ZFHX4: variants seen among roughly 807,000 people sequenced by gnomAD.
The protein encoded by ZFHX4 is zinc finger homeobox protein 4.
Under a neutral mutation model 267.6 loss-of-function variants are expected in ZFHX4, and 56 were observed. The ratio of observed to expected loss-of-function variants is 0.21; its 90% CI spans 0.17 to 0.26. The LOEUF (loss-of-function observed/expected upper bound fraction) is 0.26, where lower values mean the gene tolerates loss of function less well. Among genes scored for constraint, ZFHX4 ranks in the 10% least tolerant of loss-of-function variants. The pLI, the probability that ZFHX4 is intolerant of heterozygous loss-of-function variation, is 1.00. For synonymous variants in ZFHX4, 1,778 were observed against 1,665.6 expected (o/e 1.07, Z -1.64); for missense variants, 4,332 against 4,420.0 (o/e 0.98, Z 0.56).
intron 10 of ZFHX4, among the ~76,000 whole-genome samples, chr8:76,857,442 A>T (rs1263303958): frequency 6.6e-6 from 1 of 151,372 alleles, no homozygotes; most frequent in East Asian, 1.9e-4. Context: ...TTTTACATGA[A>T]TTTCAAACTT....
intron 5 of ZFHX4, among the ~76,000 whole-genome samples, chr8:76,836,949 G>A (rs1186172986): frequency 6.6e-6 from 1 of 152,076 alleles, no homozygotes; most frequent in Non-Finnish European, 1.5e-5. Context: ...GGAAAGAGAA[G>A]ACTAAGGGAT....
chr8:76,864,560 G>T lies in ZFHX4; in HGVS notation c.10846G>T (p.Val3616Leu), dbSNP rs1363833845. The T allele has an allele frequency of 6.4e-7, 1 of 1,553,614 alleles. No individual in the cohort carries two copies. Reference sequence around the variant, plus strand: ...TAGCATCCGAATGGATATGTTCAGTGTGTAGGAGTGAAGACAGGATCCCGT... The same window carrying T: ...TAGCATCCGAATGGATATGTTCAGTTTGTAGGAGTGAAGACAGGATCCCGT... ...FNSIRMDMFSV is the reference protein window; with the variant it reads ...FNSIRMDMFSL The change falls in exon 11 of 11, where the codon GTG becomes TTG. Residue 3616 changes from valine to leucine, a missense_variant. By Grantham distance (32) the Val-to-Leu change is conservative. Coordinates refer to ENST00000651372, the MANE Select transcript of ZFHX4 (RefSeq NM_024721.5).
intron 3 of ZFHX4, among the ~76,000 whole-genome samples, chr8:76,753,207 T>A (rs1430393426): frequency 6.6e-6 from 1 of 152,168 alleles, no homozygotes; most frequent in African/African-American, 2.4e-5. Flanking sequence ...CCTTTATTGT[T>A]TATCTTGGAC....
intron 4 of ZFHX4, among the ~76,000 whole-genome samples, chr8:76,821,235 TA>T (rs1719082489): frequency 6.6e-6 from 1 of 152,174 alleles, no homozygotes; most frequent in South Asian, 2.1e-4. Context: ...TCCCTACTTA[TA>T]AAACCCTCCC....
At chr8:76,732,935 A>G (rs749954113) in intron 3 of ZFHX4, among the ~76,000 whole-genome samples, 2 of 152,174 alleles carry the variant, frequency 1.3e-5, no homozygotes, top group Non-Finnish European at 2.9e-5. Context: ...CTAAAGAAGC[A>G]CATTTTAGTT....
chr8:76,812,627 A>G (rs182160145), intron 4 of ZFHX4, among the ~76,000 whole-genome samples: 77 of 152,322 alleles, frequency 5.1e-4, no homozygotes, highest in African/African-American at 1.7e-3. Flanking sequence ...ATGTTAACTA[A>G]AAGTCATAAT....
intron 4 of ZFHX4, among the ~76,000 whole-genome samples, chr8:76,818,390 A>C (rs759757009): frequency 3.9e-5 from 6 of 152,226 alleles, no homozygotes; most frequent in African/African-American, 7.2e-5. Flanking sequence ...AAAGCAATAA[A>C]AATTAACTAG....
chr8:76,707,746 C>T lies in ZFHX4; in HGVS notation c.2791C>T (p.Pro931Ser), dbSNP rs1481047045. ...GCATGTGAGCAGTGAGCGCTCTCTCCCTGAAGAGGAATGGAGGGCAGTAAT... is the reference window on the plus strand; with the variant it reads ...GCATGTGAGCAGTGAGCGCTCTCTCTCTGAAGAGGAATGGAGGGCAGTAAT... ...SVHVSSERSL[P>S]EEEWRAVIGD... is the part of the protein sequence containing the mutation. The change falls in exon 3 of 11, where the codon CCT becomes TCT. Residue 931 changes from proline (P) to serine (S), a missense_variant. By Grantham distance (74) the Pro-to-Ser change is moderately conservative. This residue lies in a region of ZFHX4 where 1,195 missense variants were observed against 1,173.6 expected (regional missense o/e 1.02). Coordinates refer to ENST00000651372, the MANE Select transcript of ZFHX4 (RefSeq NM_024721.5). 1 of 1,613,748 alleles carries T rather than the reference C, an allele frequency of 6.2e-7. No homozygotes were observed. The highest frequency in any genetic ancestry group is 1.1e-5 in the South Asian group (1 of 91,050).
In ZFHX4 at chr8:76,864,903, T is replaced by G. The variant is rs1812989506; in HGVS notation, c.*338T>G. 1 of 171,418 alleles carries G rather than the reference T, an allele frequency of 5.8e-6. No individual in the cohort carries two copies. Among genetic ancestry groups the G allele is most frequent in the Non-Finnish European group, 1.2e-5 (1 of 80,280 alleles). 10.6% of individuals were successfully genotyped at this position (171,418 alleles called of 1,614,324 possible). A position where few individuals can be genotyped will look rare whatever the true frequency, so the allele number is the denominator to read the frequency against. ...TTGATTTCCAAATGCTAGCATGTAC[T>G]GTATGGGAGGATGATCCAGATGTTT... On this transcript the variant is annotated 3_prime_UTR_variant, in exon 11 of 11. Coordinates refer to ENST00000651372, the MANE Select transcript of ZFHX4 (RefSeq NM_024721.5).
chr8:76,773,281 T>G (rs950785328), intron 3 of ZFHX4, among the ~76,000 whole-genome samples: 3 of 152,180 alleles, frequency 2.0e-5, no homozygotes, highest in Non-Finnish European at 4.4e-5. Context: ...TAGTCAGATA[T>G]ATTCATAATA....
chr8:76,773,185 A>G (rs59625864), intron 3 of ZFHX4, among the ~76,000 whole-genome samples: 1,598 of 152,250 alleles, frequency 0.01, 29 homozygotes, highest in African/African-American at 0.035. Flanking sequence ...CTCAAACTCC[A>G]TATGACTATT....
chr8:76,840,292 C>G (rs1021007522), intron 5 of ZFHX4, among the ~76,000 whole-genome samples: 4 of 152,182 alleles, frequency 2.6e-5, no homozygotes, highest in African/African-American at 7.2e-5. Context: ...GTTATGGCCT[C>G]AGAACTGCTG....
chr8:76,787,693 G>A (rs1249456277), intron 4 of ZFHX4, among the ~76,000 whole-genome samples: 1 of 150,150 alleles, frequency 6.7e-6, no homozygotes, highest in Non-Finnish European at 1.5e-5. Context: ...GGAGCATGTA[G>A]TCCCAGCTAA....
intron 3 of ZFHX4, among the ~76,000 whole-genome samples, chr8:76,766,181 T>C (rs948761961): frequency 3.3e-5 from 5 of 152,132 alleles, no homozygotes; most frequent in Admixed American, 3.3e-4. Context: ...AAAAAAAAGA[T>C]AAAAAATTGA....
chr8:76,859,204 C>A (rs1283270868), intron 10 of ZFHX4, among the ~76,000 whole-genome samples: 2 of 152,142 alleles, frequency 1.3e-5, no homozygotes, highest in African/African-American at 2.4e-5. Flanking sequence ...AAGAAATCTG[C>A]AAATTTTTTA....
At chr8:76,746,809 G>T (rs1052278983) in intron 3 of ZFHX4, among the ~76,000 whole-genome samples, 1 of 152,052 alleles carries the variant, frequency 6.6e-6, no homozygotes, top group East Asian at 1.9e-4. Flanking sequence ...AAAGAAATAG[G>T]CAATTGTTCC....
intron 4 of ZFHX4, among the ~76,000 whole-genome samples, chr8:76,810,875 G>C (rs1008186735): frequency 6.6e-6 from 1 of 152,004 alleles, no homozygotes; most frequent in African/African-American, 2.4e-5. Context: ...ATTTAATATA[G>C]GTCTCTATAA....
intron 5 of ZFHX4, among the ~76,000 whole-genome samples, chr8:76,839,861 C>T (rs772330381): frequency 9.2e-5 from 14 of 152,244 alleles, no homozygotes; most frequent in South Asian, 2.1e-4. Context: ...TCCCTTAACC[C>T]GAGTTCTAAC....
intron 3 of ZFHX4, among the ~76,000 whole-genome samples, chr8:76,722,587 G>A (rs1808750805): frequency 6.6e-6 from 1 of 150,870 alleles, no homozygotes; most frequent in Non-Finnish European, 1.5e-5. Context: ...GTGTCCAACT[G>A]ACTTTCTCAC....
Sources: gnomAD v4.1 joint callset for allele counts (sites outside exome capture counted in the v4.1 genomes callset) on GRCh38, gnomAD v4.1.1 for gene constraint, gnomAD v4.1.1 regional missense constraint, MANE v1.5 for transcripts, NCBI Gene and HGNC (gene_info 2026-07-23, HGNC 2026-07-21) for gene names.